Variants in THRSP observed in about 807,000 individuals in gnomAD.
THRSP encodes the protein thyroid hormone-inducible hepatic protein.
THRSP carries 9 observed loss-of-function variants against 11.1 expected under a neutral mutation model. The observed-to-expected ratio is 0.81, with a 90% CI of 0.49 to 1.42. The LOEUF (loss-of-function observed/expected upper bound fraction) is 1.42, where lower values mean the gene tolerates loss of function less well. Among genes scored for constraint, THRSP ranks in the 40% most tolerant of loss-of-function variants. THRSP has a pLI of 0.00. For missense variants in THRSP, 177 were observed against 188.2 expected, an observed-to-expected ratio of 0.94 and a Z score of 0.35; for synonymous variants, 73 against 78.1, an observed-to-expected ratio of 0.94 and a Z score of 0.34.
At position 78,063,923 on chromosome 11, in the gene THRSP, G is replaced by T; in HGVS notation, c.42G>T (p.Leu14=). The T allele has an allele frequency of 1.2e-6, 2 of 1,600,114 alleles. No individual in the cohort carries two copies. Among genetic ancestry groups the T allele is most frequent in the Non-Finnish European group, 1.7e-6 (2 of 1,173,212 alleles). The change falls in exon 1 of 2, where the codon CTG becomes CTT. Residue 14 remains leucine (L), a synonymous_variant. Transcript: ENST00000281030. ...AGCGTTACCCCAAGAACTGCCTGCT[G>T]ACCGTCATGGACCGGTATGCAGCCG... ...LTKRYPKNCL[L]TVMDRYAAEV...
rs2136814236 is a variant in THRSP, at chr11:78,068,336, A to G, written c.*697A>G. 1 of 152,328 alleles carries G rather than the reference A, an allele frequency of 6.6e-6. No homozygotes were observed. 9.4% of individuals were successfully genotyped at this position (152,328 alleles called of 1,614,324 possible). ...ATTATTTATTGCAGAACTAATAAAAAATCCAAAGCCTTGTATTTGTACATC... is the reference window on the plus strand; with the variant it reads ...ATTATTTATTGCAGAACTAATAAAAGATCCAAAGCCTTGTATTTGTACATC... On this transcript the variant is annotated 3_prime_UTR_variant, in exon 2 of 2. Transcript: ENST00000281030.
rs1374509031 is a variant in THRSP at position 78,068,078 on chromosome 11, T to C, written c.*439T>C. On this transcript the variant is annotated 3_prime_UTR_variant, in exon 2 of 2. Coordinates refer to ENST00000281030, the MANE Select transcript of THRSP (RefSeq NM_003251.4). ...CTCATCTATAAAATGGGGATAATAT[T>C]ATCTACCTCACAAGCTTATGAAAAC... is the stretch of plus-strand genomic sequence containing the variant. 1.3e-5 allele frequency: 2 copies of C among 152,178 alleles called. No individual in the cohort carries two copies. Among genetic ancestry groups the C allele is most frequent in the African/African-American group, 2.4e-5 (1 of 41,440 alleles). The allele number at this position is 152,178 out of a possible 1,614,324, so 9.4% of individuals were successfully genotyped here.
At chr11:78,065,799 G>A (rs909882358) in intron 1 of THRSP, among the ~76,000 whole-genome samples, 5 of 152,186 alleles carry the variant, frequency 3.3e-5, no homozygotes, top group South Asian at 2.1e-4. Context: ...GTAATTATGC[G>A]GAATAAACAT....
chr11:78,065,566 A>C (rs771419671), intron 1 of THRSP, among the ~76,000 whole-genome samples: 14 of 152,234 alleles, frequency 9.2e-5, no homozygotes, highest in Non-Finnish European at 1.5e-5. Flanking sequence ...ATCCACGTCC[A>C]TTGCAATCTC....
At chr11:78,067,072 C>T (rs910179499) in intron 1 of THRSP, among the ~76,000 whole-genome samples, 15 of 150,962 alleles carry the variant, frequency 9.9e-5, no homozygotes, top group East Asian at 9.8e-4. Context: ...TGATCCTCCC[C>T]GCTCGGCTTC....
intron 1 of THRSP, among the ~76,000 whole-genome samples, chr11:78,066,427 A>T (rs1315009913): frequency 6.6e-6 from 1 of 152,182 alleles, no homozygotes; most frequent in Non-Finnish European, 1.5e-5. Flanking sequence ...GGCCTCCCGA[A>T]GTGCTGGGAT....
At chr11:78,067,000 T>C (rs1030157420) in intron 1 of THRSP, among the ~76,000 whole-genome samples, 6 of 151,824 alleles carry the variant, frequency 4.0e-5, no homozygotes, top group African/African-American at 1.5e-4. Context: ...TAATTTTTTG[T>C]ATTTTTAGTA....
At chr11:78,065,706 C>G (rs955053846) in intron 1 of THRSP, among the ~76,000 whole-genome samples, 3 of 152,198 alleles carry the variant, frequency 2.0e-5, no homozygotes, top group Admixed American at 6.6e-5. Flanking sequence ...AGACTGGCCT[C>G]AACTTTGAGC....
chr11:78,064,988 CA>C (rs57192362), intron 1 of THRSP, among the ~76,000 whole-genome samples: 114 of 132,764 alleles, frequency 8.6e-4, no homozygotes, highest in South Asian at 2.8e-3. Flanking sequence ...GACTCCATCT[CA>C]AAAAAAAAAA....
At position 78,064,273 on chromosome 11, in the gene THRSP, C is replaced by G. The variant is rs376468086; in HGVS notation, c.392C>G (p.Ala131Gly). The part of the protein sequence containing the change: ...HHILMHLTEK[A>G]QEVTRKYQEM... ...ATCCTCATGCACCTCACCGAGAAAG[C>G]CCAGGAGGTGACAAGGAAATACCAG... The change falls in exon 1 of 2, where the codon GCC becomes GGC. Residue 131 changes from alanine (A) to glycine (G), a missense_variant. Physicochemically the swap from Ala to Gly is moderately conservative, Grantham distance 60 (BLOSUM62 0). Coordinates refer to ENST00000281030, the MANE Select transcript of THRSP (RefSeq NM_003251.4). The G allele has an allele frequency of 6.2e-6, 10 of 1,613,362 alleles. No homozygotes were observed. Among genetic ancestry groups the G allele is most frequent in the Non-Finnish European group, 8.5e-6 (10 of 1,179,804 alleles).
Position 78,064,008 on chromosome 11 carries a change from A to G in THRSP, c.127A>G (p.Ser43Gly). ...IPSLLRDVQL[S>G]GPGGQAQAEA... ...CAGCCTTCTGCGGGACGTGCAGCTG[A>G]GTGGGCCTGGGGGCCAGGCCCAGGC... Residue 43 changes from serine (S) to glycine (G), a missense_variant, in exon 1 of 2, where the codon AGT becomes GGT. Physicochemically the swap from Ser to Gly is moderately conservative, Grantham distance 56. Coordinates refer to ENST00000281030, the MANE Select transcript of THRSP (RefSeq NM_003251.4). 6.2e-7 allele frequency: 1 copy of G among 1,614,162 alleles called. No homozygotes were observed. The highest frequency in any genetic ancestry group is 8.5e-7 in the Non-Finnish European group (1 of 1,180,020).
rs2136814122 is a variant in THRSP, at chr11:78,068,291, A to G, written c.*652A>G. ...CTTGGCGACCACTGATGAGATCAACAACAGGTGAACTATAAACCTATTATT... is the reference window on the plus strand; with the variant it reads ...CTTGGCGACCACTGATGAGATCAACGACAGGTGAACTATAAACCTATTATT... On this transcript the variant is annotated 3_prime_UTR_variant, in exon 2 of 2. Coordinates refer to ENST00000281030, the MANE Select transcript of THRSP (RefSeq NM_003251.4). The G allele has an allele frequency of 6.6e-6, 1 of 152,298 alleles. No individual in the cohort carries two copies. The highest frequency in any genetic ancestry group is 1.9e-4 in the East Asian group (1 of 5,186). 9.4% of individuals were successfully genotyped at this position (152,298 alleles called of 1,614,324 possible).
Position 78,064,440 on chromosome 11 carries a change from C to A in THRSP, c.*19+99C>A, listed in dbSNP as rs149312937. 2.5e-5 allele frequency: 27 copies of A among 1,064,434 alleles called. No individual in the cohort carries two copies. In the African/African-American group the frequency reaches 4.0e-4, roughly 16 times the overall value. The allele number at this position is 1,064,434 out of a possible 1,614,324, so 65.9% of individuals were successfully genotyped here. ...ACCCACTGGGAGAGGAACAGCCTGA[C>A]TTTCAGACAGAGCCACTCTTGGGTC... On this transcript the variant is annotated intron_variant, in intron 1 of 1. Coordinates refer to ENST00000281030, the MANE Select transcript of THRSP (RefSeq NM_003251.4).
At chr11:78,065,787 C>T (rs1289892541) in intron 1 of THRSP, among the ~76,000 whole-genome samples, 1 of 152,238 alleles carries the variant, frequency 6.6e-6, no homozygotes, top group Non-Finnish European at 1.5e-5. Context: ...GAAGGCTGCT[C>T]TGTAATTATG....
chr11:78,063,872 G>C lies in THRSP; in HGVS notation c.-10G>C, dbSNP rs1364521199. 2.1e-5 allele frequency: 33 copies of C among 1,545,716 alleles called. No homozygotes were observed. Among genetic ancestry groups the C allele is most frequent in the Non-Finnish European group, 2.9e-5 (33 of 1,147,794 alleles). On this transcript the variant is annotated 5_prime_UTR_variant, in exon 1 of 2. Transcript: ENST00000281030. The stretch of plus-strand genomic sequence containing the variant: ...AGTCTGCTGGTCTCATTGTGTCAGA[G>C]GAAGCAACCATGCAGGTGCTAACCA...
intron 1 of THRSP, among the ~76,000 whole-genome samples, chr11:78,064,806 G>A (rs1038873191): frequency 6.6e-6 from 1 of 151,978 alleles, no homozygotes; most frequent in African/African-American, 2.4e-5. Flanking sequence ...TGGCTAACAT[G>A]GTGAAACCCA....
At chr11:78,066,989 C>G (rs1013165672) in intron 1 of THRSP, among the ~76,000 whole-genome samples, 1 of 151,930 alleles carries the variant, frequency 6.6e-6, no homozygotes, top group African/African-American at 2.4e-5. Context: ...CTACACCCAG[C>G]TAATTTTTTG....
At chr11:78,065,577 A>T (rs1362624240) in intron 1 of THRSP, among the ~76,000 whole-genome samples, 1 of 152,118 alleles carries the variant, frequency 6.6e-6, no homozygotes, top group Non-Finnish European at 1.5e-5. Flanking sequence ...TTGCAATCTC[A>T]AAACCACCTG....
chr11:78,064,448 C>G (rs1006923835), intron 1 of THRSP, 107 bp downstream of exon 1: 5 of 967,132 alleles, frequency 5.2e-6, no homozygotes, highest in Non-Finnish European at 7.6e-6. Context: ...GACTTTCAGA[C>G]AGAGCCACTC....
Sources: gnomAD v4.1 joint callset for allele counts (sites outside exome capture counted in the v4.1 genomes callset) on GRCh38, gnomAD v4.1.1 for gene constraint, MANE v1.5 for transcripts, NCBI Gene and HGNC (gene_info 2026-07-23, HGNC 2026-07-21) for gene names.